PTTG1IP: variants seen among roughly 807,000 people sequenced by gnomAD.
The protein encoded by PTTG1IP is pituitary tumor-transforming gene 1 protein-interacting protein.
A neutral mutation model predicts 24.4 loss-of-function variants in PTTG1IP; 16 were observed. The observed-to-expected ratio is 0.66, with a 90% CI of 0.44 to 1.00. PTTG1IP has a LOEUF of 1.00. Among genes scored for constraint, PTTG1IP ranks in the 50% least tolerant of loss-of-function variants. The pLI is 0.00. For synonymous variants in PTTG1IP, 89 were observed against 96.8 expected, an observed-to-expected ratio of 0.92 and a Z score of 0.47; for missense variants, 241 against 245.8, an observed-to-expected ratio of 0.98 and a Z score of 0.13.
At chr21:44,856,433 C>A in intron 3 of PTTG1IP, 69 bp from the exon 4 acceptor site, 1 of 1,505,382 alleles carries the variant, frequency 6.6e-7, no homozygotes. Context: ...GCAGCCTTCC[C>A]TCGCCCCTGG....
At chr21:44,861,638 C>T (rs1301326599) in intron 2 of PTTG1IP, 4 of 699,700 alleles carry the variant, frequency 5.7e-6, no homozygotes, top group Non-Finnish European at 1.1e-5. Flanking sequence ...GCACTCTCCC[C>T]ACATCTGTGT....
At position 44,850,302 on chromosome 21, in the gene PTTG1IP, T is replaced by C. The variant is rs2083401780; in HGVS notation, c.*1279A>G. 6.6e-6 allele frequency: 1 copy of C among 152,240 alleles called. No homozygotes were observed. Among genetic ancestry groups the C allele is most frequent in the Non-Finnish European group, 1.5e-5 (1 of 68,036 alleles). 9.4% of individuals were successfully genotyped at this position (152,240 alleles called of 1,614,324 possible). A position where few individuals can be genotyped will look rare whatever the true frequency, so the allele number is the denominator to read the frequency against. On this transcript the variant is annotated 3_prime_UTR_variant, in exon 6 of 6. Coordinates refer to ENST00000330938, the MANE Select transcript of PTTG1IP (RefSeq NM_004339.4). ...GAACAGGGACTATTTCCAAACTTCC[T>C]TAGGCAGCACTTTTCAGTGACTTCC...
At chr21:44,858,343 G>A (rs933423994) in intron 3 of PTTG1IP, among the ~76,000 whole-genome samples, 25 of 152,178 alleles carry the variant, frequency 1.6e-4, no homozygotes, top group African/African-American at 4.1e-4. Flanking sequence ...CATGTGCGCC[G>A]CGGCATCTGG....
At chr21:44,862,653 T>G (rs2083501082) in intron 2 of PTTG1IP, among the ~76,000 whole-genome samples, 1 of 152,212 alleles carries the variant, frequency 6.6e-6, no homozygotes, top group African/African-American at 2.4e-5. Context: ...GGATAGAAAG[T>G]CATGGCGTTT....
chr21:44,857,870 C>T (rs2083460961), intron 3 of PTTG1IP, among the ~76,000 whole-genome samples: 1 of 152,206 alleles, frequency 6.6e-6, no homozygotes, highest in South Asian at 2.1e-4. Flanking sequence ...CGTAGAATTG[C>T]AAAAATTATA....
At chr21:44,861,722 C>T (rs1278436885) in intron 2 of PTTG1IP, 2 of 716,676 alleles carry the variant, frequency 2.8e-6, no homozygotes, top group Admixed American at 2.0e-5. Context: ...ACCCCCTCCT[C>T]CTCACCTCCT....
chr21:44,873,488 C>T lies in PTTG1IP; in HGVS notation c.115+14G>A, dbSNP rs2083607673. The T allele has an allele frequency of 5.7e-6, 8 of 1,392,898 alleles. No homozygotes were observed. Among genetic ancestry groups the T allele is most frequent in the Middle Eastern group, 5.2e-4 (2 of 3,838 alleles). 86.3% of individuals were successfully genotyped at this position (1,392,898 alleles called of 1,614,324 possible). ...CCGCCCCCTTCGCGGCCCCGCCCGC[C>T]CCGGCGCCCTCACCAGCTCCGGGAG... On this transcript the variant is annotated intron_variant, in intron 1 of 5. Transcript: ENST00000330938.
chr21:44,867,769 G>A (rs1646278743), intron 1 of PTTG1IP, among the ~76,000 whole-genome samples: 1 of 152,170 alleles, frequency 6.6e-6, no homozygotes, highest in Admixed American at 6.5e-5. Flanking sequence ...ACAAAATCCT[G>A]CAGCTTTGCT....
At chr21:44,861,085 A>G in intron 3 of PTTG1IP, 78 bp downstream of exon 3, 1 of 1,273,080 alleles carries the variant, frequency 7.9e-7, no homozygotes, top group Non-Finnish European at 1.1e-6. Flanking sequence ...TACAGACGTG[A>G]GCCACCGCGC....
At chr21:44,859,168 C>T (rs528365294) in intron 3 of PTTG1IP, among the ~76,000 whole-genome samples, 11 of 152,304 alleles carry the variant, frequency 7.2e-5, no homozygotes, top group South Asian at 2.1e-4. Flanking sequence ...ACACGAATCT[C>T]GGGCACATGC....
intron 3 of PTTG1IP, 50 bp downstream of exon 3, chr21:44,861,113 T>A: frequency 1.9e-6 from 3 of 1,541,578 alleles, no homozygotes; most frequent in Non-Finnish European, 2.7e-6. Context: ...ATACTACTAT[T>A]TTCAAAGAAG....
At chr21:44,852,080 G>GT (rs987560440) in intron 5 of PTTG1IP, among the ~76,000 whole-genome samples, 1 of 152,164 alleles carries the variant, frequency 6.6e-6, no homozygotes, top group African/African-American at 2.4e-5. Context: ...GATAAAATGT[G>GT]TATTTAATCA....
intron 5 of PTTG1IP, among the ~76,000 whole-genome samples, chr21:44,854,506 C>T (rs775595736): frequency 3.2e-4 from 45 of 141,638 alleles, no homozygotes; most frequent in Non-Finnish European, 6.0e-4. Flanking sequence ...AAACCCAGCG[C>T]GGGAGACACT....
intron 5 of PTTG1IP, among the ~76,000 whole-genome samples, chr21:44,852,178 CCTTT>C (rs949874317): frequency 5.9e-5 from 9 of 152,032 alleles, no homozygotes; most frequent in Non-Finnish European, 8.8e-5. Flanking sequence ...ACTCTCTCTC[CCTTT>C]ATTTTTTATT....
At chr21:44,865,096 CA>C (rs2083525144) in intron 2 of PTTG1IP, among the ~76,000 whole-genome samples, 1 of 152,180 alleles carries the variant, frequency 6.6e-6, no homozygotes, top group Admixed American at 6.5e-5. Context: ...TGCGGACAGC[CA>C]AATTTCTCGC....
chr21:44,856,405 CAG>C, intron 3 of PTTG1IP, 41 bp from the exon 4 acceptor site: 1 of 1,576,296 alleles, frequency 6.3e-7, no homozygotes, highest in Non-Finnish European at 8.6e-7. Flanking sequence ...GCCCCAGACA[CAG>C]AACCCACCCA....
Position 44,850,417 on chromosome 21 carries a change from G to A in PTTG1IP, c.*1164C>T, listed in dbSNP as rs1289219382. 2.0e-5 allele frequency: 3 copies of A among 152,286 alleles called. No individual in the cohort carries two copies. Among genetic ancestry groups the A allele is most frequent in the African/African-American group, 7.2e-5 (3 of 41,464 alleles). 9.4% of individuals were successfully genotyped at this position (152,286 alleles called of 1,614,324 possible). On this transcript the variant is annotated 3_prime_UTR_variant, in exon 6 of 6. Coordinates refer to ENST00000330938, the MANE Select transcript of PTTG1IP (RefSeq NM_004339.4). ...TACAGAAACGTGGGCAGGTCCAGCA[G>A]TGCCACTGGAGAGCTCCCAGAGAAG...
chr21:44,871,935 C>A (rs140847581), intron 1 of PTTG1IP, among the ~76,000 whole-genome samples: 1 of 152,348 alleles, frequency 6.6e-6, no homozygotes, highest in African/African-American at 2.4e-5. Flanking sequence ...TTTCAGCTGA[C>A]ACACCGAATG....
Position 44,873,642 on chromosome 21 carries a change from G to A in PTTG1IP, c.-26C>T. ...GGTCGGCCGGTCGCTCTATCAGTCAGTGGAGCGTTACAACTCCGACTCCAG... is the reference window on the plus strand; with the variant it reads ...GGTCGGCCGGTCGCTCTATCAGTCAATGGAGCGTTACAACTCCGACTCCAG... On this transcript the variant is annotated 5_prime_UTR_variant, in exon 1 of 6. Transcript: ENST00000330938. 4 of 1,386,050 alleles carry A rather than the reference G, an allele frequency of 2.9e-6. No individual in the cohort carries two copies. The highest frequency in any genetic ancestry group is 3.7e-6 in the Non-Finnish European group (4 of 1,070,026). The allele number at this position is 1,386,050 out of a possible 1,614,324, so 85.9% of individuals were successfully genotyped here.
Sources: gnomAD v4.1 joint callset for allele counts (sites outside exome capture counted in the v4.1 genomes callset) on GRCh38, gnomAD v4.1.1 for gene constraint, MANE v1.5 for transcripts, NCBI Gene and HGNC (gene_info 2026-07-23, HGNC 2026-07-21) for gene names.